The following TTLL5 variants were observed in gnomAD, a reference collection of about 807,000 sequenced individuals.
TTLL5 encodes tubulin tyrosine ligase like 5, also known as tubulin polyglutamylase TTLL5.
Under a neutral mutation model 168.4 loss-of-function variants are expected in TTLL5, and 132 were observed. That is an observed-to-expected ratio of 0.78 (90% CI 0.68 to 0.91). The LOEUF is 0.91. Among genes scored for constraint, TTLL5 ranks in the 40% least tolerant of loss-of-function variants. TTLL5 has a pLI of 0.00. For missense variants in TTLL5, 1,545 were observed against 1,581.5 expected (o/e 0.98, Z 0.39); for synonymous variants, 546 against 558.6 (o/e 0.98, Z 0.32).
At chr14:75,850,406 C>CAAAAAA (rs35336374) in intron 28 of TTLL5, among the ~76,000 whole-genome samples, 4 of 91,274 alleles carry the variant, frequency 4.4e-5, no homozygotes, top group African/African-American at 1.4e-4. Context: ...AACTCCGTCT[C>CAAAAAA]AAAAAAAAAA....
chr14:75,702,879 A>C (rs924475201), intron 7 of TTLL5, among the ~76,000 whole-genome samples: 1 of 152,210 alleles, frequency 6.6e-6, no homozygotes, highest in Non-Finnish European at 1.5e-5. Context: ...GCCAGGAGGC[A>C]TGAGGGGAGC....
chr14:75,890,751 G>A (rs1038994116), intron 30 of TTLL5, among the ~76,000 whole-genome samples: 36 of 151,816 alleles, frequency 2.4e-4, no homozygotes, highest in Admixed American at 7.9e-4. Flanking sequence ...ATGGAGTCTC[G>A]CCGTGTCACC....
chr14:75,947,552 G>A (rs976826290), intron 31 of TTLL5, among the ~76,000 whole-genome samples: 3 of 152,002 alleles, frequency 2.0e-5, no homozygotes, highest in African/African-American at 7.2e-5. Context: ...AGAACCATAA[G>A]AAAAATAGAT....
At chr14:75,868,035 G>C (rs1209112480) in intron 29 of TTLL5, among the ~76,000 whole-genome samples, 1 of 152,192 alleles carries the variant, frequency 6.6e-6, no homozygotes, top group Non-Finnish European at 1.5e-5. Context: ...GAGGAGGGCT[G>C]CACCGGCTGT....
At chr14:75,808,831 G>A (rs1030997552) in intron 27 of TTLL5, among the ~76,000 whole-genome samples, 1 of 151,552 alleles carries the variant, frequency 6.6e-6, no homozygotes, top group African/African-American at 2.4e-5. Flanking sequence ...TCACTGTGTT[G>A]CCCAGACTGA....
chr14:75,845,829 G>A (rs781442773), intron 28 of TTLL5, among the ~76,000 whole-genome samples: 3 of 152,156 alleles, frequency 2.0e-5, no homozygotes, highest in Non-Finnish European at 4.4e-5. Context: ...TTTAGAGGGA[G>A]GAAAATCAGT....
Position 75,745,163 on chromosome 14 carries a change from G to A in TTLL5, c.1350G>A (p.Gly450=). 6.2e-7 allele frequency: 1 copy of A among 1,613,976 alleles called. No homozygotes were observed. Among genetic ancestry groups the A allele is most frequent in the Non-Finnish European group, 8.5e-7 (1 of 1,179,910 alleles). Reference sequence around the variant, plus strand: ...TCGTGGGCTCAGCCCGGGAGAAAGGGCCAGGGAAGTTGGGTGGTTCTGTGC... The same window carrying A: ...TCGTGGGCTCAGCCCGGGAGAAAGGACCAGGGAAGTTGGGTGGTTCTGTGC... The part of the protein sequence containing the change: ...KNLVGSAREK[G]PGKLGGSVLG... Residue 450 remains glycine, a synonymous_variant, in exon 16 of 32, where the codon GGG becomes GGA. Coordinates refer to ENST00000298832, the MANE Select transcript of TTLL5 (RefSeq NM_015072.5).
intron 30 of TTLL5, among the ~76,000 whole-genome samples, chr14:75,892,331 C>CA (rs1349223501): frequency 6.6e-6 from 1 of 152,118 alleles, no homozygotes; most frequent in Non-Finnish European, 1.5e-5. Flanking sequence ...CAAAATATAC[C>CA]AAAATAAACG....
chr14:75,668,010 C>T (rs1205246431), intron 2 of TTLL5, among the ~76,000 whole-genome samples: 5 of 152,056 alleles, frequency 3.3e-5, no homozygotes, highest in Non-Finnish European at 5.9e-5. Flanking sequence ...CTGTCTGCCT[C>T]GGCCTCCCAA....
chr14:75,921,021 T>G (rs1319596947), intron 31 of TTLL5, among the ~76,000 whole-genome samples: 1 of 152,258 alleles, frequency 6.6e-6, no homozygotes, highest in Non-Finnish European at 1.5e-5. Flanking sequence ...CATAAATGTC[T>G]TCTTTTGAGA....
intron 28 of TTLL5, among the ~76,000 whole-genome samples, chr14:75,841,434 T>G (rs1172444782): frequency 6.6e-6 from 1 of 152,198 alleles, no homozygotes; most frequent in Non-Finnish European, 1.5e-5. Flanking sequence ...TATTCACTGG[T>G]TTCATTACCA....
chr14:75,830,533 A>G (rs1474012362), intron 28 of TTLL5, among the ~76,000 whole-genome samples: 1 of 152,240 alleles, frequency 6.6e-6, no homozygotes, highest in East Asian at 1.9e-4. Context: ...CCAAAACATC[A>G]TGGTGTATAC....
At chr14:75,818,664 T>C (rs1308874299) in intron 27 of TTLL5, 6 of 194,170 alleles carry the variant, frequency 3.1e-5, no homozygotes, top group South Asian at 2.2e-4. Context: ...ATTTTTTTTT[T>C]TTTTTTTTGT....
At chr14:75,887,793 C>G (rs140624507) in intron 30 of TTLL5, among the ~76,000 whole-genome samples, 1 of 152,286 alleles carries the variant, frequency 6.6e-6, no homozygotes, top group East Asian at 1.9e-4. Flanking sequence ...AATGTATGCA[C>G]TTAGGAACTC....
chr14:75,869,748 A>C (rs2030855536), intron 29 of TTLL5, among the ~76,000 whole-genome samples: 1 of 152,100 alleles, frequency 6.6e-6, no homozygotes, highest in Non-Finnish European at 1.5e-5. Flanking sequence ...TGCTGCTAAT[A>C]AGGCATTCAA....
chr14:75,783,150 T>C lies in TTLL5; in HGVS notation c.2606T>C (p.Phe869Ser), dbSNP rs1003937954. ...TEIHSDKLSR[F>S]TTSAEKEAKL... Reference sequence around the variant, plus strand: ...TGTTTTGTTTTGTTTTTAATAGGATTTACCACTTCAGCAGAAAAAGAGGCA... The same window carrying C: ...TGTTTTGTTTTGTTTTTAATAGGATCTACCACTTCAGCAGAAAAAGAGGCA... The change falls in exon 26 of 32, where the codon TTT becomes TCT. Residue 869 changes from phenylalanine (F) to serine (S), a missense_variant. Coordinates refer to ENST00000298832, the MANE Select transcript of TTLL5 (RefSeq NM_015072.5). 6 of 1,605,954 alleles carry C rather than the reference T, an allele frequency of 3.7e-6. No homozygotes were observed. Among genetic ancestry groups the C allele is most frequent in the Non-Finnish European group, 4.2e-6 (5 of 1,178,292 alleles).
In TTLL5 at chr14:75,926,114, G is replaced by GAGGGAA. The variant is rs950206273; in HGVS notation, c.3823+23891_3823+23892insGGGAAA. Among the ~76,000 whole-genome samples, 666 of 133,424 alleles carry GAGGGAA rather than the reference G, an allele frequency of 5.0e-3. 12 individuals are homozygous for GAGGGAA. Among genetic ancestry groups the GAGGGAA allele is most frequent in the African/African-American group, 0.018 (643 of 35,110 alleles). The allele number at this position is 133,424 out of a possible 152,430, so 87.5% of individuals were successfully genotyped here. On this transcript the variant is annotated intron_variant, in intron 31 of 31. Coordinates refer to ENST00000298832, the MANE Select transcript of TTLL5 (RefSeq NM_015072.5). ...AGAGGGAGAGGGAGAGGGAGAGGGAGAACTTGTCTATGTATTTTAAAGACT... is the reference window on the plus strand; with the variant it reads ...AGAGGGAGAGGGAGAGGGAGAGGGAGAGGGAAAACTTGTCTATGTATTTTAAAGACT...
intron 12 of TTLL5, 91 bp downstream of exon 12, chr14:75,720,794 T>C (rs1887786302): frequency 2.9e-6 from 3 of 1,037,038 alleles, no homozygotes; most frequent in South Asian, 2.6e-5. Flanking sequence ...AGTGATTCTA[T>C]AGCAGTAAGA....
chr14:75,800,429 C>A (rs114640124), intron 27 of TTLL5, among the ~76,000 whole-genome samples: 239 of 152,170 alleles, frequency 1.6e-3, no homozygotes, highest in African/African-American at 5.4e-3. Flanking sequence ...TCCCTGGTGC[C>A]TCCTTAAATA....
Sources: gnomAD v4.1 joint callset for allele counts (sites outside exome capture counted in the v4.1 genomes callset) on GRCh38, gnomAD v4.1.1 for gene constraint, MANE v1.5 for transcripts, NCBI Gene and HGNC (gene_info 2026-07-23, HGNC 2026-07-21) for gene names.